CTNNA3: variants seen among roughly 807,000 people sequenced by gnomAD.
CTNNA3 encodes the protein catenin alpha 3, also known as catenin alpha-3.
In CTNNA3, 76 loss-of-function variants were observed where a neutral mutation model predicts 95.7. That is an observed-to-expected ratio of 0.79 (90% confidence interval 0.66 to 0.96). CTNNA3 has a LOEUF of 0.96. CTNNA3 is among the 40% of genes least tolerant of loss of function. CTNNA3 has a pLI of 0.00. For missense variants in CTNNA3, 1,191 were observed against 1,089.8 expected, an observed-to-expected ratio of 1.09 and a Z score of -1.31; for synonymous variants, 431 against 374.4, an observed-to-expected ratio of 1.15 and a Z score of -1.74.
Position 67,237,144 on chromosome 10 carries a change from A to AC in CTNNA3, c.580-17275_580-17274insG, listed in dbSNP as rs1564502713. On this transcript the variant is annotated intron_variant, in intron 5 of 17. Transcript: ENST00000433211. ...GGTGTATGTATATATATATATATAT[A>AC]TATATATATATATATATATATATAT... is the stretch of plus-strand genomic sequence containing the variant. Among the ~76,000 whole-genome samples the AC allele has an allele frequency of 5.6e-3, 398 of 71,506 alleles. 15 individuals are homozygous for AC. The highest frequency in any genetic ancestry group is 0.055 in the East Asian group (144 of 2,618). 46.9% of individuals were successfully genotyped at this position (71,506 alleles called of 152,430 possible).
rs1277478071 is a variant in CTNNA3, at chr10:67,726,249, TATA to T, written c.-2+37182_-2+37184del. Among the ~76,000 whole-genome samples, 8 of 96,278 alleles carry T rather than the reference TATA, an allele frequency of 8.3e-5. No individual in the cohort carries two copies. In the East Asian group the frequency reaches 1.0e-3, roughly 12 times the overall value. The allele number at this position is 96,278 out of a possible 152,430, so 63.2% of individuals were successfully genotyped here. A position where few individuals can be genotyped will look rare whatever the true frequency, so the allele number is the denominator to read the frequency against. ...CATACATTATATATTATATATTATA[TATA>T]ATATTGTATTACATATTATATATAT... On this transcript the variant is annotated intron_variant, in intron 1 of 17. Transcript: ENST00000684154.
At chr10:66,471,100 T>C (rs908743580) in intron 11 of CTNNA3, among the ~76,000 whole-genome samples, 5 of 151,800 alleles carry the variant, frequency 3.3e-5, no homozygotes, top group African/African-American at 1.2e-4. Context: ...ATATGCAACA[T>C]CCCCCATTGT....
rs2077011846 is a variant in CTNNA3, at chr10:65,916,723, G to A, written c.*3607C>T. The A allele has an allele frequency of 6.6e-6, 1 of 152,136 alleles. No individual in the cohort carries two copies. The highest frequency in any genetic ancestry group is 1.5e-5 in the Non-Finnish European group (1 of 68,016). 9.4% of individuals were successfully genotyped at this position (152,136 alleles called of 1,614,324 possible). On this transcript the variant is annotated 3_prime_UTR_variant, in exon 18 of 18. Transcript: ENST00000433211. Reference sequence around the variant, plus strand: ...AGAGATATTTTTGGTTCACAGAAGAGGAAAGGGCATTAATTGGAGTAATTT... The same window carrying A: ...AGAGATATTTTTGGTTCACAGAAGAAGAAAGGGCATTAATTGGAGTAATTT...
At chr10:66,247,828 C>T (rs577808218) in intron 13 of CTNNA3, among the ~76,000 whole-genome samples, 1 of 152,230 alleles carries the variant, frequency 6.6e-6, no homozygotes, top group Admixed American at 6.5e-5. Context: ...CCAGACCCAT[C>T]CTGCAAGAAA....
At position 67,438,737 on chromosome 10, in the gene CTNNA3, G is replaced by C. The variant is rs779816067; in HGVS notation, c.579+83105C>G. Among the ~76,000 whole-genome samples the C allele has an allele frequency of 2.5e-4, 38 of 152,292 alleles. 1 individual carries two copies. The highest frequency in any genetic ancestry group is 4.6e-4 in the Non-Finnish European group (31 of 68,020). ...CACAGAGAGAGAATCTGTGCACAAG[G>C]GGGTGGAAGAGCACAGTGGCTGGGG... On this transcript the variant is annotated intron_variant, in intron 5 of 17. Transcript: ENST00000433211.
chr10:66,851,153 T>C (rs1266019873), intron 7 of CTNNA3, among the ~76,000 whole-genome samples: 1 of 152,076 alleles, frequency 6.6e-6, no homozygotes, highest in Non-Finnish European at 1.5e-5. Context: ...ATCTGAGCCC[T>C]CCTCTCTGTG....
At chr10:66,118,483 C>A (rs534069576) in intron 13 of CTNNA3, among the ~76,000 whole-genome samples, 1 of 152,086 alleles carries the variant, frequency 6.6e-6, no homozygotes, top group East Asian at 1.9e-4. Flanking sequence ...ACAACATGAC[C>A]GAAATAAGTC....
chr10:66,898,152 G>T (rs746578289), intron 7 of CTNNA3, among the ~76,000 whole-genome samples: 2 of 152,180 alleles, frequency 1.3e-5, no homozygotes, highest in Non-Finnish European at 2.9e-5. Flanking sequence ...AATCTATGCA[G>T]TCATAATGAC....
rs1331943977 is a variant in CTNNA3, at chr10:65,920,484, A to G, written c.2534T>C (p.Val845Ala). Residue 845 changes from valine (V) to alanine (A), a missense_variant, in exon 18 of 18, where the codon GTT (valine) becomes GCT (alanine). Physicochemically the swap from Val to Ala is moderately conservative, Grantham distance 64. Coordinates refer to ENST00000433211, the MANE Select transcript of CTNNA3 (RefSeq NM_013266.4). ...AGGAGCCTTCATTCTCCACATCACA[A>G]CTGGGTGCCGGGGCCCAGCAGGACT... ...IQSPAGPRHPVVMWRMKAPAK... is the reference protein window; with the variant it reads ...IQSPAGPRHPAVMWRMKAPAK... 5 of 1,613,908 alleles carry G rather than the reference A, an allele frequency of 3.1e-6. No individual in the cohort carries two copies. Among genetic ancestry groups the G allele is most frequent in the East Asian group, 4.5e-5 (2 of 44,884 alleles).
chr10:66,428,674 A>C (rs983003722), intron 11 of CTNNA3, among the ~76,000 whole-genome samples: 1 of 152,204 alleles, frequency 6.6e-6, no homozygotes, highest in Admixed American at 6.6e-5. Context: ...AACGAAATGA[A>C]GGCAAAAATA....
intron 7 of CTNNA3, among the ~76,000 whole-genome samples, chr10:67,086,650 A>G (rs1857327292): frequency 6.6e-6 from 1 of 151,994 alleles, no homozygotes; most frequent in Non-Finnish European, 1.5e-5. Context: ...CAAGTGGGCT[A>G]TTAGAAGTCA....
chr10:66,618,290 A>G (rs1844601828), intron 10 of CTNNA3, among the ~76,000 whole-genome samples: 2 of 151,956 alleles, frequency 1.3e-5, no homozygotes, highest in African/African-American at 2.4e-5. Flanking sequence ...TGGAGGCATC[A>G]CGCTACCTGA....
chr10:67,294,367 A>G (rs1284298028), intron 5 of CTNNA3, among the ~76,000 whole-genome samples: 1 of 152,240 alleles, frequency 6.6e-6, no homozygotes, highest in Non-Finnish European at 1.5e-5. Flanking sequence ...CAATCATTCA[A>G]GAATTTCAAA....
chr10:67,113,915 C>T (rs958513550), intron 7 of CTNNA3, among the ~76,000 whole-genome samples: 2 of 151,868 alleles, frequency 1.3e-5, no homozygotes, highest in African/African-American at 4.8e-5. Context: ...CCCATTTCTA[C>T]AAAAAGTTTT....
chr10:66,121,961 T>C (rs954617976), intron 13 of CTNNA3, among the ~76,000 whole-genome samples: 1 of 152,190 alleles, frequency 6.6e-6, no homozygotes, highest in Non-Finnish European at 1.5e-5. Context: ...AATTAAAACA[T>C]ATTGCTATGG....
chr10:66,471,349 G>A (rs1839124640), intron 11 of CTNNA3, among the ~76,000 whole-genome samples: 1 of 151,620 alleles, frequency 6.6e-6, no homozygotes, highest in South Asian at 2.1e-4. Flanking sequence ...TACAGCTATA[G>A]TAGGCATTCC....
chr10:67,384,862 T>G lies in CTNNA3; in HGVS notation c.579+136980A>C, dbSNP rs529883801. On this transcript the variant is annotated intron_variant, in intron 5 of 17. Transcript: ENST00000433211. ...ATATTTAAGAAAGCCTTACTGAGTA[T>G]TATGCAATTATTCCCCTTTGCCTAT... 3.9e-5 allele frequency among the ~76,000 whole-genome samples: 6 copies of G among 152,344 alleles called. No homozygotes were observed. In the South Asian group the frequency reaches 1.2e-3, roughly 32 times the overall value.
At chr10:66,900,362 T>A (rs1845688126) in intron 7 of CTNNA3, among the ~76,000 whole-genome samples, 1 of 152,122 alleles carries the variant, frequency 6.6e-6, no homozygotes, top group Non-Finnish European at 1.5e-5. Flanking sequence ...AAACCCCATC[T>A]GCAGGTCACC....
chr10:66,983,348 A>G (rs1850553703), intron 7 of CTNNA3, among the ~76,000 whole-genome samples: 1 of 152,240 alleles, frequency 6.6e-6, no homozygotes, highest in East Asian at 1.9e-4. Flanking sequence ...TCTCCCTGGT[A>G]TCTGAAGCAG....
Sources: gnomAD v4.1 joint callset for allele counts (sites outside exome capture counted in the v4.1 genomes callset) on GRCh38, gnomAD v4.1.1 for gene constraint, MANE v1.5 for transcripts, NCBI Gene and HGNC (gene_info 2026-07-23, HGNC 2026-07-21) for gene names.